BRINP1: variants seen among roughly 807,000 people sequenced by gnomAD.
BRINP1 encodes the protein BMP/retinoic acid inducible neural specific 1, also known as BMP/retinoic acid-inducible neural-specific protein 1.
BRINP1 carries 17 observed loss-of-function variants against 72.9 expected under a neutral mutation model. The observed-to-expected ratio is 0.23, with a 90% CI of 0.16 to 0.35. BRINP1 has a LOEUF of 0.35. BRINP1 is among the 10% of genes least tolerant of loss of function. The pLI, the probability that BRINP1 is intolerant of heterozygous loss-of-function variation, is 1.00. For missense variants in BRINP1, 850 were observed against 1,001.6 expected, an observed-to-expected ratio of 0.85 and a Z score of 2.04; for synonymous variants, 418 against 378.5, an observed-to-expected ratio of 1.10 and a Z score of -1.21.
intron 2 of BRINP1, among the ~76,000 whole-genome samples, chr9:119,271,888 C>T (rs1378659260): frequency 2.0e-5 from 3 of 151,468 alleles, no homozygotes; most frequent in African/African-American, 7.3e-5. Context: ...TACATAGAGA[C>T]AGGGGTCTTG....
At chr9:119,319,560 G>A (rs1378565355) in intron 1 of BRINP1, among the ~76,000 whole-genome samples, 2 of 152,174 alleles carry the variant, frequency 1.3e-5, no homozygotes, top group African/African-American at 4.8e-5. Flanking sequence ...AGCACCAACT[G>A]TGCTGGAGAC....
At chr9:119,249,752 G>A (rs553682453) in intron 2 of BRINP1, among the ~76,000 whole-genome samples, 4 of 149,808 alleles carry the variant, frequency 2.7e-5, no homozygotes, top group African/African-American at 7.4e-5. Flanking sequence ...ATATAGCTCA[G>A]TGCCTGTTAC....
intron 2 of BRINP1, among the ~76,000 whole-genome samples, chr9:119,293,230 C>T (rs1830840223): frequency 6.6e-6 from 1 of 151,540 alleles, no homozygotes; most frequent in Non-Finnish European, 1.5e-5. Context: ...AATATATGTA[C>T]TAAGATTATG....
intron 7 of BRINP1, among the ~76,000 whole-genome samples, chr9:119,208,141 T>C (rs1332455): frequency 0.61 from 93,177 of 151,990 alleles, 28,897 homozygotes; most frequent in Middle Eastern, 0.78. Context: ...ATCCAGGACA[T>C]GGCTGGAACT....
intron 2 of BRINP1, among the ~76,000 whole-genome samples, chr9:119,277,181 C>T (rs1392382693): frequency 2.0e-5 from 3 of 152,134 alleles, no homozygotes; most frequent in Non-Finnish European, 4.4e-5. Flanking sequence ...GTAGAGGCAT[C>T]ACAGTTGTTT....
In BRINP1 at chr9:119,167,918, C is replaced by G; in HGVS notation, c.1452G>C (p.Gln484His). 1 of 1,614,220 alleles carries G rather than the reference C, an allele frequency of 6.2e-7. No individual in the cohort carries two copies. The highest frequency in any genetic ancestry group is 8.5e-7 in the Non-Finnish European group (1 of 1,180,030). ...GCAGCAGGTACTTCAGCTCCAGGTCCTGGAAGTCCAGGTCAGTCTCAAAGC... is the reference window on the plus strand; with the variant it reads ...GCAGCAGGTACTTCAGCTCCAGGTCGTGGAAGTCCAGGTCAGTCTCAAAGC... ...FISFETDLDF[Q>H]DLELKYLLQK... is the part of the protein sequence containing the mutation. Residue 484 changes from glutamine to histidine, a missense_variant, in exon 8 of 8, where the codon CAG becomes CAC. By Grantham distance (24) the Gln-to-His change is conservative. Transcript: ENST00000265922. The surrounding 1 kb of genome is among the most constrained non-coding windows in gnomAD (Gnocchi z 4.3).
chr9:119,290,246 A>AT (rs1483332659), intron 2 of BRINP1, among the ~76,000 whole-genome samples: 1 of 152,236 alleles, frequency 6.6e-6, no homozygotes, highest in Non-Finnish European at 1.5e-5. Flanking sequence ...CCCTAAGGCA[A>AT]TAAACAGTGG....
intron 7 of BRINP1, among the ~76,000 whole-genome samples, chr9:119,185,282 C>CA (rs560299328): frequency 1.5e-4 from 23 of 151,962 alleles, no homozygotes; most frequent in Admixed American, 8.5e-4. Context: ...TCAAGAACAC[C>CA]AAAAAAACAT....
At chr9:119,251,761 A>T (rs1330094672) in intron 2 of BRINP1, among the ~76,000 whole-genome samples, 3 of 152,128 alleles carry the variant, frequency 2.0e-5, no homozygotes, top group African/African-American at 7.2e-5. Flanking sequence ...GGATGTGGGC[A>T]TGGGGGAAAG....
intron 5 of BRINP1, among the ~76,000 whole-genome samples, chr9:119,219,919 G>A (rs543054643): frequency 1.5e-4 from 23 of 152,168 alleles, no homozygotes; most frequent in African/African-American, 4.3e-4. Flanking sequence ...TCTAGACAGC[G>A]GGAAGAGCAT....
At chr9:119,325,549 C>T (rs982098161) in intron 1 of BRINP1, among the ~76,000 whole-genome samples, 2 of 152,210 alleles carry the variant, frequency 1.3e-5, no homozygotes, top group Admixed American at 1.3e-4. Context: ...TTCCCTTTGC[C>T]TTACACACTT....
At chr9:119,306,645 T>C (rs192691769) in intron 2 of BRINP1, among the ~76,000 whole-genome samples, 6 of 152,326 alleles carry the variant, frequency 3.9e-5, no homozygotes, top group Admixed American at 2.0e-4. Context: ...GACCTAACAA[T>C]GGAGGCTGAA....
intron 3 of BRINP1, among the ~76,000 whole-genome samples, chr9:119,246,007 G>T (rs1008553358): frequency 3.3e-5 from 5 of 152,116 alleles, no homozygotes; most frequent in African/African-American, 1.2e-4. Flanking sequence ...ATAATAGTAA[G>T]AACAAGAGTA....
At chr9:119,358,258 C>T (rs1398974601) in intron 1 of BRINP1, among the ~76,000 whole-genome samples, 1 of 152,084 alleles carries the variant, frequency 6.6e-6, no homozygotes, top group Non-Finnish European at 1.5e-5. Flanking sequence ...TCTACTTTCC[C>T]ATATGCACCT....
At position 119,191,529 on chromosome 9, in the gene BRINP1, CA is replaced by C. The variant is rs925664247; in HGVS notation, c.1145+17189del. On this transcript the variant is annotated intron_variant, in intron 7 of 7. Transcript: ENST00000265922. ...GAAATTTTAAAAAGAATCTCATTTA[CA>C]AAAAAAATACTTAGGAATAAATTTG... Among the ~76,000 whole-genome samples the C allele has an allele frequency of 1.1e-4, 16 of 150,750 alleles. 1 individual carries two copies. Among genetic ancestry groups the C allele is most frequent in the African/African-American group, 3.6e-4 (15 of 41,188 alleles).
intron 1 of BRINP1, among the ~76,000 whole-genome samples, chr9:119,354,559 C>G (rs778735314): frequency 7.2e-5 from 11 of 151,948 alleles, no homozygotes; most frequent in Non-Finnish European, 1.5e-4. Context: ...ATGTGAGGGT[C>G]CAGGGAATGT....
intron 5 of BRINP1, among the ~76,000 whole-genome samples, chr9:119,238,341 T>C (rs1830211784): frequency 6.6e-6 from 1 of 152,130 alleles, no homozygotes; most frequent in South Asian, 2.1e-4. Context: ...AAACTTGACA[T>C]ATACAGCATA....
At position 119,168,055 on chromosome 9, in the gene BRINP1, A is replaced by C. The variant is rs1829341958; in HGVS notation, c.1315T>G (p.Cys439Gly). The C allele has an allele frequency of 6.2e-7, 1 of 1,611,326 alleles. No individual in the cohort carries two copies. Among genetic ancestry groups the C allele is most frequent in the African/African-American group, 1.3e-5 (1 of 74,894 alleles). The stretch of plus-strand genomic sequence containing the variant: ...CAGAGGGAGATGTTGGCCAGGCTGC[A>C]CATGGCGCAGCTGTTGTTCCCGCCT... ...VIGGNNSCAM[C>G]SLANISLCGS... The change falls in exon 8 of 8, where the codon TGC becomes GGC. Residue 439 changes from cysteine to glycine, a missense_variant. Transcript: ENST00000265922.
intron 7 of BRINP1, among the ~76,000 whole-genome samples, chr9:119,199,184 A>G (rs930032472): frequency 6.6e-6 from 1 of 152,168 alleles, no homozygotes; most frequent in African/African-American, 2.4e-5. Flanking sequence ...TGTCAGTCTA[A>G]TAAACTGAAA....
Sources: gnomAD v4.1 joint callset for allele counts (sites outside exome capture counted in the v4.1 genomes callset) on GRCh38, gnomAD v4.1.1 for gene constraint, Gnocchi (gnomAD v3.1) non-coding constraint, MANE v1.5 for transcripts, NCBI Gene and HGNC (gene_info 2026-07-23, HGNC 2026-07-21) for gene names.